The following TRAF3 variants were observed in gnomAD, a reference collection of about 807,000 sequenced individuals.
TRAF3 encodes TNF receptor associated factor 3, also known as TNF receptor-associated factor 3.
Under a neutral mutation model 62.3 loss-of-function variants are expected in TRAF3, and 13 were observed. The ratio of observed to expected loss-of-function variants is 0.21; its 90% CI spans 0.14 to 0.33. The LOEUF is 0.33. Ranked by LOEUF, TRAF3 falls within the 10% of genes least tolerant of loss-of-function variation. The pLI is 1.00. For missense variants in TRAF3, 440 were observed against 741.8 expected, an observed-to-expected ratio of 0.59 and a Z score of 4.73; for synonymous variants, 269 against 283.4, an observed-to-expected ratio of 0.95 and a Z score of 0.51.
chr14:102,830,775 C>T (rs780132932), intron 2 of TRAF3, among the ~76,000 whole-genome samples: 26 of 152,140 alleles, frequency 1.7e-4, no homozygotes, highest in Non-Finnish European at 2.5e-4. Flanking sequence ...TTCTGCCAGG[C>T]TGTGGTATTC....
chr14:102,862,621 CGA>C (rs1595371620), intron 2 of TRAF3, among the ~76,000 whole-genome samples: 1 of 151,996 alleles, frequency 6.6e-6, no homozygotes, highest in Non-Finnish European at 1.5e-5. Context: ...TGGAGTTTGT[CGA>C]GCTTCCTGGT....
intron 1 of TRAF3, among the ~76,000 whole-genome samples, chr14:102,814,594 G>A (rs1157919354): frequency 6.6e-6 from 1 of 151,908 alleles, no homozygotes; most frequent in Non-Finnish European, 1.5e-5. Flanking sequence ...ATACAGCTCA[G>A]TGCAGCCTTG....
chr14:102,836,924 A>G (rs1204971913), intron 2 of TRAF3, among the ~76,000 whole-genome samples: 1 of 152,210 alleles, frequency 6.6e-6, no homozygotes, highest in African/African-American at 2.4e-5. Context: ...TCACTGAGGT[A>G]TATTGCTACA....
In TRAF3 at chr14:102,911,474, G is replaced by A. The variant is rs1402398483; in HGVS notation, c.*5690G>A. 3.9e-5 allele frequency: 6 copies of A among 152,222 alleles called. No individual in the cohort carries two copies. Among genetic ancestry groups the A allele is most frequent in the Admixed American group, 1.3e-4 (2 of 15,280 alleles). 9.4% of individuals were successfully genotyped at this position (152,222 alleles called of 1,614,324 possible). ...GAGATGCTAAACTGTCTTATTAGAG[G>A]AAAATAAATCTGATTATGGAGTCTC... On this transcript the variant is annotated 3_prime_UTR_variant, in exon 12 of 12. Transcript: ENST00000392745.
rs1890863782 is a variant in TRAF3 at position 102,911,447 on chromosome 14, C to T, written c.*5663C>T. The T allele has an allele frequency of 6.6e-6, 1 of 152,224 alleles. No individual in the cohort carries two copies. The highest frequency in any genetic ancestry group is 2.4e-5 in the African/African-American group (1 of 41,450). The allele number at this position is 152,224 out of a possible 1,614,324, so 9.4% of individuals were successfully genotyped here. A position where few individuals can be genotyped will look rare whatever the true frequency, so the allele number is the denominator to read the frequency against. ...TTGTAAGACTGTAGAATGCAAAACT[C>T]GGAGATGCTAAACTGTCTTATTAGA... On this transcript the variant is annotated 3_prime_UTR_variant, in exon 12 of 12. Transcript: ENST00000392745.
intron 7 of TRAF3, 55 bp downstream of exon 7, chr14:102,886,324 T>C (rs1889386121): frequency 6.8e-7 from 1 of 1,473,480 alleles, no homozygotes; most frequent in East Asian, 2.3e-5. Context: ...GCTGCGTGCC[T>C]GGCTCCCCTT....
chr14:102,860,428 T>TA (rs1887614748), intron 2 of TRAF3, among the ~76,000 whole-genome samples: 1 of 152,220 alleles, frequency 6.6e-6, no homozygotes, highest in Admixed American at 6.5e-5. Context: ...CTGTTTTTCC[T>TA]AAGAAGTCCC....
chr14:102,877,859 C>T (rs904599592), intron 6 of TRAF3, among the ~76,000 whole-genome samples: 3 of 151,580 alleles, frequency 2.0e-5, no homozygotes, highest in Admixed American at 6.6e-5. Context: ...ATAGATAATC[C>T]GTTCCACAGG....
At chr14:102,808,982 A>ATATT (rs1321062831) in intron 1 of TRAF3, 11 of 151,164 alleles carry the variant, frequency 7.3e-5, no homozygotes, top group Middle Eastern at 6.8e-3. Flanking sequence ...CACCCAGCTA[A>ATATT]TATTTATTTA....
chr14:102,866,850 AAC>A (rs538121314), intron 2 of TRAF3, among the ~76,000 whole-genome samples: 35,022 of 131,990 alleles, frequency 0.27, 4,374 homozygotes, highest in East Asian at 0.34. Context: ...ATCTCTTGAA[AAC>A]ACACACACAC....
At chr14:102,796,536 TG>T in intron 1 of TRAF3, among the ~76,000 whole-genome samples, 1 of 152,244 alleles carries the variant, frequency 6.6e-6, no homozygotes, top group Non-Finnish European at 1.5e-5. Flanking sequence ...GAAGTGGGGA[TG>T]GGGGGTGGAC....
At chr14:102,801,947 C>T (rs1317377522) in intron 1 of TRAF3, among the ~76,000 whole-genome samples, 1 of 145,434 alleles carries the variant, frequency 6.9e-6, no homozygotes, top group Non-Finnish European at 1.5e-5. Flanking sequence ...ACCCGGGAGG[C>T]GGAGCTTGCA....
intron 6 of TRAF3, among the ~76,000 whole-genome samples, chr14:102,881,379 G>A (rs1348471710): frequency 1.4e-5 from 2 of 144,186 alleles, no homozygotes; most frequent in East Asian, 2.0e-4. Context: ...GCAAGACTCC[G>A]TCTCAACAAC....
At chr14:102,822,294 A>T (rs1242308397) in intron 1 of TRAF3, among the ~76,000 whole-genome samples, 1 of 152,192 alleles carries the variant, frequency 6.6e-6, no homozygotes, top group Non-Finnish European at 1.5e-5. Context: ...CCATTTCACC[A>T]TGCGAGTATT....
chr14:102,871,932 A>G lies in TRAF3; in HGVS notation c.261A>G (p.Lys87=), dbSNP rs1204399785. 3.1e-6 allele frequency: 5 copies of G among 1,614,066 alleles called. No homozygotes were observed. The Admixed American group carries it at 6.7e-5, about 22-fold the overall frequency. The change falls in exon 4 of 12, where the codon AAA becomes AAG. Residue 87 remains lysine, a synonymous_variant. Transcript: ENST00000392745. ...MAALLSSSSP[K]CTACQESIVK... is the part of the protein sequence containing the mutation. ...TTCCCTGCAGCTCTTCAAGTCCAAAATGTACAGCGTGTCAAGAGAGCATCG... is the reference window on the plus strand; with the variant it reads ...TTCCCTGCAGCTCTTCAAGTCCAAAGTGTACAGCGTGTCAAGAGAGCATCG...
Position 102,875,617 on chromosome 14 carries a change from T to G in TRAF3, c.298-7T>G, listed in dbSNP as rs1888603534. On this transcript the variant is annotated splice_polypyrimidine_tract_variant and splice_region_variant and intron_variant, in intron 4 of 11. Coordinates refer to ENST00000392745, the MANE Select transcript of TRAF3 (RefSeq NM_145725.3). ...AATCCTCCAAAATAATGATCTTTCA[T>G]TTTCAGGTGTTTAAGGATAATTGCT... 1 of 1,610,464 alleles carries G rather than the reference T, an allele frequency of 6.2e-7. No homozygotes were observed. Among genetic ancestry groups the G allele is most frequent in the Non-Finnish European group, 8.5e-7 (1 of 1,177,044 alleles).
chr14:102,827,735 C>G (rs1359049550), intron 1 of TRAF3, among the ~76,000 whole-genome samples: 1 of 152,208 alleles, frequency 6.6e-6, no homozygotes, highest in Non-Finnish European at 1.5e-5. Flanking sequence ...AGGTCATTTA[C>G]TAAGCGTGCT....
intron 1 of TRAF3, among the ~76,000 whole-genome samples, chr14:102,794,082 C>T (rs559921498): frequency 3.2e-4 from 48 of 152,302 alleles, no homozygotes; most frequent in African/African-American, 1.2e-3. Context: ...TGGCCTTTCT[C>T]CTAAGGTGGT....
chr14:102,810,951 G>A (rs955774690), intron 1 of TRAF3, among the ~76,000 whole-genome samples: 4 of 152,136 alleles, frequency 2.6e-5, no homozygotes, highest in African/African-American at 9.7e-5. Flanking sequence ...ACATCAAGAA[G>A]GAATTCTTCA....
Sources: allele counts gnomAD v4.1 joint callset (sites outside exome capture counted in the v4.1 genomes callset), GRCh38; gene constraint gnomAD v4.1.1; transcripts MANE v1.5; gene names NCBI Gene and HGNC (gene_info 2026-07-23, HGNC 2026-07-21).